The following PRDM16 variants were observed in gnomAD, a reference collection of about 807,000 sequenced individuals.
PRDM16 encodes the protein PR/SET domain 16.
In PRDM16, 23 loss-of-function variants were observed where a neutral mutation model predicts 110.6. The observed-to-expected ratio is 0.21, with a 90% CI of 0.15 to 0.29. The LOEUF is 0.29. Among genes scored for constraint, PRDM16 ranks in the 10% least tolerant of loss-of-function variants. The pLI is 1.00. For synonymous variants in PRDM16, 799 were observed against 781.8 expected (o/e 1.02, Z -0.37); for missense variants, 1,615 against 1,794.3 (o/e 0.90, Z 1.81).
chr1:3,185,212 C>G lies in PRDM16; in HGVS notation c.38-913C>G, dbSNP rs138452307. Among the ~76,000 whole-genome samples the G allele has an allele frequency of 2.3e-3, 356 of 152,186 alleles. 2 individuals carry two copies. The highest frequency in any genetic ancestry group is 8.1e-3 in the African/African-American group (337 of 41,526). ...CTCAGGCTACAATCTGGTATAGTTT[C>G]GGCTGCACACACACACTATCTTGGC... On this transcript the variant is annotated intron_variant, in intron 1 of 16. Transcript: ENST00000270722.
intron 4 of PRDM16, among the ~76,000 whole-genome samples, chr1:3,395,709 T>C (rs1643375541): frequency 6.6e-6 from 1 of 152,072 alleles, no homozygotes; most frequent in African/African-American, 2.4e-5. Context: ...TTTCTTCATC[T>C]CGACCACCAC....
At chr1:3,276,525 G>A (rs570519272) in intron 3 of PRDM16, among the ~76,000 whole-genome samples, 29 of 152,354 alleles carry the variant, frequency 1.9e-4, no homozygotes, top group Middle Eastern at 3.4e-3. Context: ...GGACCCGCCC[G>A]CAGGAAGGCC....
At position 3,433,943 on chromosome 1, in the gene PRDM16, C is replaced by A; in HGVS notation, c.*132C>A. The A allele has an allele frequency of 1.1e-6, 1 of 902,924 alleles. No homozygotes were observed. The highest frequency in any genetic ancestry group is 1.6e-6 in the Non-Finnish European group (1 of 609,334). 55.9% of individuals were successfully genotyped at this position (902,924 alleles called of 1,614,324 possible). A position where few individuals can be genotyped will look rare whatever the true frequency, so the allele number is the denominator to read the frequency against. ...AGCATCCTCCCCACCCACCATGGTTCATTCCGACTTTTCCAATGGAAACTC... is the reference window on the plus strand; with the variant it reads ...AGCATCCTCCCCACCCACCATGGTTAATTCCGACTTTTCCAATGGAAACTC... On this transcript the variant is annotated 3_prime_UTR_variant, in exon 17 of 17. Coordinates refer to ENST00000270722, the MANE Select transcript of PRDM16 (RefSeq NM_022114.4).
intron 1 of PRDM16, among the ~76,000 whole-genome samples, chr1:3,180,373 A>G (rs1262986102): frequency 6.6e-6 from 1 of 151,956 alleles, no homozygotes; most frequent in Non-Finnish European, 1.5e-5. Flanking sequence ...TTTCCACTGA[A>G]ATGTTCCTTG....
intron 3 of PRDM16, among the ~76,000 whole-genome samples, chr1:3,292,229 C>T (rs1175297040): frequency 6.6e-6 from 1 of 152,212 alleles, no homozygotes; most frequent in Non-Finnish European, 1.5e-5. Flanking sequence ...CCTGCCGTGG[C>T]CCGGCCTCAA....
chr1:3,302,850 C>T (rs959501674), intron 3 of PRDM16, among the ~76,000 whole-genome samples: 1 of 152,188 alleles, frequency 6.6e-6, no homozygotes, highest in Non-Finnish European at 1.5e-5. Flanking sequence ...ACATGCCAGA[C>T]AACCCGGGTC....
Position 3,416,847 on chromosome 1 carries a change from G to A in PRDM16, c.2692-981G>A, listed in dbSNP as rs570740866. ...CTTTTGCTACCCCTCAGGGGATGAT[G>A]AACACTCTTCCTTTTCAGCCCCTGT... On this transcript the variant is annotated intron_variant, in intron 10 of 16. Coordinates refer to ENST00000270722, the MANE Select transcript of PRDM16 (RefSeq NM_022114.4). 7.2e-5 allele frequency among the ~76,000 whole-genome samples: 11 copies of A among 152,308 alleles called. No homozygotes were observed. In the South Asian group the frequency reaches 2.3e-3, roughly 32 times the overall value.
intron 1 of PRDM16, among the ~76,000 whole-genome samples, chr1:3,092,936 A>G (rs1174259576): frequency 6.6e-6 from 1 of 151,976 alleles, no homozygotes; most frequent in Non-Finnish European, 1.5e-5. Context: ...CAGGGCTGCT[A>G]CCTCGGGCCC....
rs531999439 is a variant in PRDM16 at position 3,142,545 on chromosome 1, C to T, written c.38-43580C>T. 3.3e-5 allele frequency among the ~76,000 whole-genome samples: 5 copies of T among 152,262 alleles called. No individual in the cohort carries two copies. In the East Asian group the frequency reaches 9.7e-4, roughly 29 times the overall value. On this transcript the variant is annotated intron_variant, in intron 1 of 16. Transcript: ENST00000270722. Reference sequence around the variant, plus strand: ...GCACAGGGATCCTCCTCACCTGCGGCGTCATCCAAAGGCGTGTGGCACCCA... The same window carrying T: ...GCACAGGGATCCTCCTCACCTGCGGTGTCATCCAAAGGCGTGTGGCACCCA...
intron 3 of PRDM16, among the ~76,000 whole-genome samples, chr1:3,304,452 G>A (rs193193689): frequency 7.2e-5 from 11 of 152,328 alleles, no homozygotes; most frequent in East Asian, 1.9e-4. Flanking sequence ...TGCCTGCCCC[G>A]TTTTATACGA....
chr1:3,417,784 T>G, intron 10 of PRDM16, 44 bp from the exon 11 acceptor site: 1 of 1,579,066 alleles, frequency 6.3e-7, no homozygotes. Context: ...TGAAGACAGG[T>G]GAGAGTCAGC....
chr1:3,159,724 C>T (rs547417864), intron 1 of PRDM16, among the ~76,000 whole-genome samples: 1 of 152,320 alleles, frequency 6.6e-6, no homozygotes, highest in South Asian at 2.1e-4. Context: ...GATCCGGACA[C>T]TGTCCTGGGA....
At chr1:3,313,297 C>T (rs1570047795) in intron 3 of PRDM16, among the ~76,000 whole-genome samples, 1 of 152,228 alleles carries the variant, frequency 6.6e-6, no homozygotes. Context: ...CTCGCCGTCA[C>T]GATGAGTCAG....
chr1:3,368,943 C>T (rs181353880), intron 3 of PRDM16, among the ~76,000 whole-genome samples: 130 of 152,330 alleles, frequency 8.5e-4, no homozygotes, highest in African/African-American at 3.0e-3. Context: ...TGCCTCCCCT[C>T]GGAGAGGCCG....
chr1:3,289,460 T>A (rs2100353370), intron 3 of PRDM16, among the ~76,000 whole-genome samples: 1 of 152,298 alleles, frequency 6.6e-6, no homozygotes, highest in Admixed American at 6.5e-5. Context: ...CCCCACGCTG[T>A]TTTTGTTTGG....
At chr1:3,256,256 G>T (rs1428331975) in intron 3 of PRDM16, among the ~76,000 whole-genome samples, 1 of 152,140 alleles carries the variant, frequency 6.6e-6, no homozygotes, top group Non-Finnish European at 1.5e-5. Flanking sequence ...AATCATCAGG[G>T]GCTGCTGCGG....
intron 2 of PRDM16, among the ~76,000 whole-genome samples, chr1:3,242,118 G>A (rs1034827273): frequency 2.0e-5 from 3 of 152,236 alleles, no homozygotes; most frequent in Non-Finnish European, 4.4e-5. Context: ...CCAGGCCAGC[G>A]CCAGGCCCCT....
chr1:3,254,448 C>T (rs970712514), intron 3 of PRDM16, among the ~76,000 whole-genome samples: 1 of 151,838 alleles, frequency 6.6e-6, no homozygotes, highest in Non-Finnish European at 1.5e-5. Flanking sequence ...AGCTGATAAG[C>T]AACTTCAGCA....
Position 3,231,392 on chromosome 1 carries a change from C to T in PRDM16, c.388-12695C>T, listed in dbSNP as rs1013098520. Among the ~76,000 whole-genome samples the T allele has an allele frequency of 8.0e-5, 12 of 150,502 alleles. No individual in the cohort carries two copies. The East Asian group carries it at 9.6e-4, about 12-fold the overall frequency. Reference sequence around the variant, plus strand: ...GCATCTTCCCCGTCGTCATGGACAGCGGTCAAGGCCGTCTCCCCTTCTCCG... The same window carrying T: ...GCATCTTCCCCGTCGTCATGGACAGTGGTCAAGGCCGTCTCCCCTTCTCCG... On this transcript the variant is annotated intron_variant, in intron 2 of 16. Coordinates refer to ENST00000270722, the MANE Select transcript of PRDM16 (RefSeq NM_022114.4).
Sources: gnomAD v4.1 joint callset for allele counts (sites outside exome capture counted in the v4.1 genomes callset) on GRCh38, gnomAD v4.1.1 for gene constraint, MANE v1.5 for transcripts, NCBI Gene and HGNC (gene_info 2026-07-23, HGNC 2026-07-21) for gene names.